The following NRG3 variants were observed in gnomAD, a reference collection of about 807,000 sequenced individuals.
The protein encoded by NRG3 is pro-neuregulin-3, membrane-bound isoform.
A neutral mutation model predicts 66.9 loss-of-function variants in NRG3; 31 were observed. The ratio of observed to expected loss-of-function variants is 0.46; its 90% CI spans 0.35 to 0.63. The LOEUF is 0.63. Ranked by LOEUF, NRG3 falls within the 20% of genes least tolerant of loss-of-function variation. The pLI is 0.00. For missense variants in NRG3, 910 were observed against 878.9 expected (o/e 1.04, Z -0.45); for synonymous variants, 393 against 359.4 (o/e 1.09, Z -1.06).
intron 2 of NRG3, among the ~76,000 whole-genome samples, chr10:82,731,595 A>G (rs1051057644): frequency 1.1e-4 from 16 of 149,642 alleles, no homozygotes; most frequent in Non-Finnish European, 2.4e-4. Context: ...AAATGACAGA[A>G]TTTCCTTTTT....
At chr10:81,932,047 T>C (rs1263431514) in intron 1 of NRG3, among the ~76,000 whole-genome samples, 1 of 152,132 alleles carries the variant, frequency 6.6e-6, no homozygotes, top group East Asian at 1.9e-4. Flanking sequence ...GCAGGTTTTA[T>C]AGAAAGCTGG....
chr10:82,615,052 A>G (rs1454086895), intron 2 of NRG3, among the ~76,000 whole-genome samples: 1 of 152,186 alleles, frequency 6.6e-6, no homozygotes, highest in Non-Finnish European at 1.5e-5. Context: ...TAGTTAAACA[A>G]GATTTAGACA....
intron 2 of NRG3, among the ~76,000 whole-genome samples, chr10:82,571,999 CTGTTT>C (rs556642545): frequency 2.6e-3 from 394 of 151,562 alleles, no homozygotes; most frequent in African/African-American, 8.8e-3. Flanking sequence ...TATCCTTGTA[CTGTTT>C]TAAGTATTTA....
chr10:81,880,917 C>T (rs994229357), intron 1 of NRG3, among the ~76,000 whole-genome samples: 2 of 152,120 alleles, frequency 1.3e-5, no homozygotes, highest in African/African-American at 4.8e-5. Flanking sequence ...TTTTACTTAT[C>T]CACCCAAGAA....
intron 2 of NRG3, among the ~76,000 whole-genome samples, chr10:82,556,504 C>T (rs1005658748): frequency 1.3e-5 from 2 of 152,098 alleles, no homozygotes; most frequent in African/African-American, 4.8e-5. Context: ...TGGCTGGCGG[C>T]AGCCCTCTTG....
intron 3 of NRG3, among the ~76,000 whole-genome samples, chr10:82,836,216 C>A (rs985347603): frequency 2.6e-5 from 4 of 152,024 alleles, no homozygotes; most frequent in Non-Finnish European, 5.9e-5. Flanking sequence ...CAATAGCAAC[C>A]TTCTGGCCCC....
chr10:82,893,425 C>T (rs764986769), intron 4 of NRG3, among the ~76,000 whole-genome samples: 5 of 152,152 alleles, frequency 3.3e-5, no homozygotes, highest in Non-Finnish European at 7.4e-5. Flanking sequence ...CGCGGTGGCT[C>T]ACGCCTGTAA....
At chr10:82,799,214 G>C (rs1379245818) in intron 3 of NRG3, among the ~76,000 whole-genome samples, 1 of 152,074 alleles carries the variant, frequency 6.6e-6, no homozygotes, top group Non-Finnish European at 1.5e-5. Flanking sequence ...CCGGTGTCTA[G>C]AAAATGAGAG....
chr10:82,704,991 G>A (rs533607447), intron 2 of NRG3, among the ~76,000 whole-genome samples: 1 of 152,100 alleles, frequency 6.6e-6, no homozygotes, highest in African/African-American at 2.4e-5. Flanking sequence ...TAGAAATCAT[G>A]CAAAAAGTAA....
intron 4 of NRG3, among the ~76,000 whole-genome samples, chr10:82,945,394 C>A (rs969024063): frequency 4.6e-5 from 7 of 152,056 alleles, no homozygotes; most frequent in African/African-American, 1.2e-4. Context: ...GTGAGGAGAC[C>A]AAGGTTGGAT....
At chr10:82,883,940 T>C (rs1253112809) in intron 4 of NRG3, among the ~76,000 whole-genome samples, 2 of 151,332 alleles carry the variant, frequency 1.3e-5, no homozygotes, top group Non-Finnish European at 3.0e-5. Context: ...TATTTTGCTA[T>C]AGTTTTTTTT....
intron 4 of NRG3, among the ~76,000 whole-genome samples, chr10:82,880,326 A>G (rs1842194013): frequency 6.6e-6 from 1 of 152,090 alleles, no homozygotes. Context: ...AGCTGTCCAT[A>G]TTTAGAGTGC....
At chr10:82,062,673 A>G (rs1015254978) in intron 1 of NRG3, among the ~76,000 whole-genome samples, 2 of 151,750 alleles carry the variant, frequency 1.3e-5, no homozygotes, top group Non-Finnish European at 2.9e-5. Flanking sequence ...GGGATGGAGC[A>G]GAATATAGGG....
chr10:82,420,666 A>G (rs528963822), intron 2 of NRG3, among the ~76,000 whole-genome samples: 1 of 152,250 alleles, frequency 6.6e-6, no homozygotes, highest in African/African-American at 2.4e-5. Flanking sequence ...ATCATCCCAC[A>G]TCCAGGAAAT....
intron 2 of NRG3, among the ~76,000 whole-genome samples, chr10:82,387,547 C>T (rs1055523497): frequency 1.3e-5 from 2 of 152,186 alleles, no homozygotes; most frequent in African/African-American, 4.8e-5. Flanking sequence ...CAAATCTGAA[C>T]ATTTTTTAGC....
chr10:82,520,696 G>A (rs1846100111), intron 2 of NRG3, among the ~76,000 whole-genome samples: 1 of 152,112 alleles, frequency 6.6e-6, no homozygotes, highest in Admixed American at 6.5e-5. Flanking sequence ...ACTGACTGTC[G>A]AACATTATTC....
intron 2 of NRG3, among the ~76,000 whole-genome samples, chr10:82,586,206 G>A (rs1359390023): frequency 6.7e-6 from 1 of 148,706 alleles, no homozygotes; most frequent in Non-Finnish European, 1.5e-5. Flanking sequence ...ACTTGAACTT[G>A]TACCCCTAAA....
chr10:82,895,424 G>A (rs149142667), intron 4 of NRG3, among the ~76,000 whole-genome samples: 1,516 of 150,300 alleles, frequency 0.01, 27 homozygotes, highest in African/African-American at 0.031. Context: ...AAACAAGAGA[G>A]TTTAATCATA....
intron 2 of NRG3, among the ~76,000 whole-genome samples, chr10:82,627,003 A>AT (rs58880846): frequency 0.098 from 14,591 of 148,862 alleles, 1,166 homozygotes; most frequent in African/African-American, 0.22. Flanking sequence ...CTATTTAGCT[A>AT]TTTTTTTTTT....
Sources: gnomAD v4.1 joint callset for allele counts (sites outside exome capture counted in the v4.1 genomes callset) on GRCh38, gnomAD v4.1.1 for gene constraint, MANE v1.5 for transcripts, NCBI Gene and HGNC (gene_info 2026-07-23, HGNC 2026-07-21) for gene names.